The following CSMD3 variants were observed in gnomAD, a reference collection of about 807,000 sequenced individuals.
The protein encoded by CSMD3 is CUB and sushi domain-containing protein 3.
CSMD3 carries 177 observed loss-of-function variants against 435.2 expected under a neutral mutation model. That is an observed-to-expected ratio of 0.41 (90% CI 0.36 to 0.46). The LOEUF is 0.46. Ranked by LOEUF, CSMD3 falls within the 20% of genes least tolerant of loss-of-function variation. CSMD3 has a pLI of 0.34. For synonymous variants in CSMD3, 1,656 were observed against 1,520.5 expected (o/e 1.09, Z -2.07); for missense variants, 4,265 against 4,504.6 (o/e 0.95, Z 1.52).
intron 44 of CSMD3, 125 bp downstream of exon 44, chr8:112,336,527 A>T (rs1316431157): frequency 1.3e-6 from 1 of 772,864 alleles, no homozygotes; most frequent in African/African-American, 2.2e-5. Context: ...TGTCACCCTC[A>T]GTTACTCACA....
At chr8:112,711,185 G>T (rs2076602759) in intron 13 of CSMD3, among the ~76,000 whole-genome samples, 1 of 152,080 alleles carries the variant, frequency 6.6e-6, no homozygotes, top group Non-Finnish European at 1.5e-5. Context: ...TTAAGTAAAA[G>T]GTGAAAGGTT....
At chr8:112,894,336 C>G (rs1033077080) in intron 10 of CSMD3, among the ~76,000 whole-genome samples, 1 of 151,546 alleles carries the variant, frequency 6.6e-6, no homozygotes, top group African/African-American at 2.4e-5. Context: ...CCCATCTTGT[C>G]ACGTTTAGTT....
At chr8:112,911,445 A>AT (rs2082408841) in intron 10 of CSMD3, among the ~76,000 whole-genome samples, 1 of 151,824 alleles carries the variant, frequency 6.6e-6, no homozygotes, top group Non-Finnish European at 1.5e-5. Flanking sequence ...GCAGTATATT[A>AT]TTACTAGTTA....
At chr8:112,812,827 A>G (rs1369437312) in intron 12 of CSMD3, among the ~76,000 whole-genome samples, 1 of 152,224 alleles carries the variant, frequency 6.6e-6, no homozygotes, top group Non-Finnish European at 1.5e-5. Flanking sequence ...ACTTCCTGCT[A>G]AAATGAGATA....
intron 4 of CSMD3, among the ~76,000 whole-genome samples, chr8:113,121,309 T>A (rs1236672226): frequency 6.6e-6 from 1 of 152,032 alleles, no homozygotes; most frequent in Non-Finnish European, 1.5e-5. Flanking sequence ...GGGAAGCATC[T>A]TCTTCTCTTG....
intron 13 of CSMD3, among the ~76,000 whole-genome samples, chr8:112,752,860 G>T (rs1177009573): frequency 2.0e-5 from 3 of 152,014 alleles, no homozygotes; most frequent in East Asian, 3.9e-4. Context: ...GTAAGAAGGA[G>T]AATTTTTATT....
intron 6 of CSMD3, among the ~76,000 whole-genome samples, 199 bp from the exon 7 acceptor site, chr8:112,976,347 T>C (rs1450961973): frequency 6.6e-6 from 1 of 152,108 alleles, no homozygotes; most frequent in Non-Finnish European, 1.5e-5. Context: ...TATGGATAGA[T>C]ATACACACAA....
At chr8:112,270,905 T>C (rs1034195892) in intron 59 of CSMD3, among the ~76,000 whole-genome samples, 1 of 152,160 alleles carries the variant, frequency 6.6e-6, no homozygotes, top group Non-Finnish European at 1.5e-5. Flanking sequence ...GAAGTCTTTA[T>C]ATTTTGTCTT....
At chr8:112,780,040 A>G (rs1423339991) in intron 13 of CSMD3, among the ~76,000 whole-genome samples, 1 of 152,110 alleles carries the variant, frequency 6.6e-6, no homozygotes, top group African/African-American at 2.4e-5. Context: ...AATCACCACT[A>G]TATCATATTT....
chr8:113,313,102 A>G (rs2093882689), intron 2 of CSMD3: 1 of 152,064 alleles, frequency 6.6e-6, no homozygotes. Flanking sequence ...GTTCATACAC[A>G]TTTTCTCGTA....
chr8:112,411,013 A>G (rs1337317626), intron 32 of CSMD3, among the ~76,000 whole-genome samples: 2 of 127,052 alleles, frequency 1.6e-5, no homozygotes, highest in East Asian at 5.8e-4. Context: ...TTTCTATTAG[A>G]AAACATGCCC....
intron 4 of CSMD3, among the ~76,000 whole-genome samples, chr8:113,172,686 T>C (rs2092287161): frequency 1.3e-5 from 2 of 152,186 alleles, no homozygotes; most frequent in South Asian, 2.1e-4. Context: ...AAGCTTGTTG[T>C]GTCTAATTAC....
intron 8 of CSMD3, among the ~76,000 whole-genome samples, chr8:112,952,251 A>C (rs1296454669): frequency 1.3e-5 from 2 of 151,588 alleles, no homozygotes; most frequent in African/African-American, 4.8e-5. Flanking sequence ...TTTCTTACTT[A>C]AAATCTAAAG....
rs140753647 is a variant in CSMD3 at position 113,215,677 on chromosome 8, G to A, written c.515-41761C>T. On this transcript the variant is annotated intron_variant, in intron 3 of 70. Coordinates refer to ENST00000297405, the MANE Select transcript of CSMD3 (RefSeq NM_198123.2). ...TTAAGTTTCCATTAAATTTGATAAT[G>A]CAAGCACACATAAAACAAAAACATA... 3.0e-3 allele frequency among the ~76,000 whole-genome samples: 459 copies of A among 151,890 alleles called. 2 individuals carry two copies. The highest frequency in any genetic ancestry group is 9.3e-3 in the African/African-American group (387 of 41,516).
At chr8:113,396,724 G>C (rs1422687949) in intron 1 of CSMD3, among the ~76,000 whole-genome samples, 1 of 152,054 alleles carries the variant, frequency 6.6e-6, no homozygotes, top group Non-Finnish European at 1.5e-5. Context: ...CTCTTTAAGG[G>C]AGCAACACAG....
chr8:113,168,659 G>A (rs1241592750), intron 4 of CSMD3, among the ~76,000 whole-genome samples: 3 of 150,892 alleles, frequency 2.0e-5, no homozygotes, highest in African/African-American at 7.3e-5. Flanking sequence ...TTTCATTTTG[G>A]CGAAGTACAA....
At chr8:113,124,170 G>A (rs2091060838) in intron 4 of CSMD3, among the ~76,000 whole-genome samples, 1 of 151,914 alleles carries the variant, frequency 6.6e-6, no homozygotes, top group Admixed American at 6.6e-5. Context: ...AGCAAATGGA[G>A]GCAAAAAGAA....
At chr8:112,254,106 C>T (rs1482799398) in intron 63 of CSMD3, 147 bp downstream of exon 63, 4 of 688,360 alleles carry the variant, frequency 5.8e-6, no homozygotes, top group Admixed American at 2.3e-5. Flanking sequence ...TTTACTTCCA[C>T]TCTTTTGCTG....
In CSMD3 at chr8:112,243,482, G is replaced by A. The variant is rs527495734; in HGVS notation, c.10402+912C>T. ...TTTCCAAATGGAAATTGTCCTGACC[G>A]AGCAGCAATCGGTGGACACTTCACC... On this transcript the variant is annotated intron_variant, in intron 65 of 70. Coordinates refer to ENST00000297405, the MANE Select transcript of CSMD3 (RefSeq NM_198123.2). Among the ~76,000 whole-genome samples the A allele has an allele frequency of 1.1e-4, 17 of 152,094 alleles. No homozygotes were observed. In the South Asian group the frequency reaches 2.7e-3, roughly 24 times the overall value.
Sources: allele counts gnomAD v4.1 joint callset (sites outside exome capture counted in the v4.1 genomes callset), GRCh38; gene constraint gnomAD v4.1.1; transcripts MANE v1.5; gene names NCBI Gene and HGNC (gene_info 2026-07-23, HGNC 2026-07-21).